Variants in RGS6 observed in about 807,000 individuals in gnomAD.
RGS6 encodes regulator of G protein signaling 6, also known as regulator of G-protein signaling 6.
A neutral mutation model predicts 78.5 loss-of-function variants in RGS6; 30 were observed. The ratio of observed to expected loss-of-function variants is 0.38; its 90% CI spans 0.29 to 0.52. RGS6 has a LOEUF of 0.52. Among genes scored for constraint, RGS6 ranks in the 20% least tolerant of loss-of-function variants. RGS6 has a pLI of 0.85. For missense variants in RGS6, 495 were observed against 609.7 expected, an observed-to-expected ratio of 0.81 and a Z score of 1.98; for synonymous variants, 206 against 206.0, an observed-to-expected ratio of 1.00 and a Z score of 0.00.
intron 2 of RGS6, among the ~76,000 whole-genome samples, chr14:72,224,372 G>T (rs144739199): frequency 6.6e-6 from 1 of 152,094 alleles, no homozygotes; most frequent in Non-Finnish European, 1.5e-5. Flanking sequence ...GGGCAAGATG[G>T]TGCTGTTGCA....
At chr14:72,346,167 G>A (rs2077999760) in intron 2 of RGS6, among the ~76,000 whole-genome samples, 1 of 152,160 alleles carries the variant, frequency 6.6e-6, no homozygotes, top group African/African-American at 2.4e-5. Flanking sequence ...TTGCTTCTTT[G>A]TTGAAGTTGT....
At chr14:72,150,112 A>C (rs1257820368) in intron 2 of RGS6, among the ~76,000 whole-genome samples, 1 of 152,178 alleles carries the variant, frequency 6.6e-6, no homozygotes, top group Non-Finnish European at 1.5e-5. Flanking sequence ...GTAATTAGTT[A>C]AGGTTCTTGA....
At chr14:72,252,520 T>A (rs1407495145) in intron 2 of RGS6, among the ~76,000 whole-genome samples, 1 of 152,234 alleles carries the variant, frequency 6.6e-6, no homozygotes, top group Non-Finnish European at 1.5e-5. Context: ...AGCCAGCATG[T>A]CTGCTCCCAT....
rs753065555 is a variant in RGS6 at position 72,540,021 on chromosome 14, CT to C, written c.1369-8del. ...TTTTTTCTGTATTTTTCTCCCTACC[CT>C]TTTTTTTTTTTCCTAAAGCCAGAAA... On this transcript the variant is annotated intron_variant, in intron 16 of 17. Transcript: ENST00000553525. 0.049 allele frequency: 47,324 copies of C among 972,144 alleles called. No individual in the cohort carries two copies. Among genetic ancestry groups the C allele is most frequent in the South Asian group, 0.077 (4,113 of 53,218 alleles). 60.2% of individuals were successfully genotyped at this position (972,144 alleles called of 1,614,324 possible).
At chr14:72,473,045 G>A in intron 9 of RGS6, 92 bp downstream of exon 9, 2 of 822,086 alleles carry the variant, frequency 2.4e-6, no homozygotes, top group Non-Finnish European at 3.8e-6. Flanking sequence ...GCCACCAGGT[G>A]TCTCATTCTT....
chr14:72,131,068 A>C (rs577254648), intron 2 of RGS6, among the ~76,000 whole-genome samples: 13 of 152,290 alleles, frequency 8.5e-5, no homozygotes, highest in Non-Finnish European at 1.9e-4. Flanking sequence ...TGCCTTGCCC[A>C]TCTTGTGTTG....
intron 3 of RGS6, among the ~76,000 whole-genome samples, chr14:72,368,595 G>C (rs2082862046): frequency 6.6e-6 from 1 of 152,180 alleles, no homozygotes; most frequent in South Asian, 2.1e-4. Flanking sequence ...TTTTTATAAT[G>C]AACTTCCCTG....
intron 3 of RGS6, among the ~76,000 whole-genome samples, chr14:72,444,316 C>T (rs566256971): frequency 1.1e-4 from 16 of 152,026 alleles, no homozygotes; most frequent in Non-Finnish European, 1.8e-4. Flanking sequence ...TTTCATAATG[C>T]ACAGGAAAGC....
intron 2 of RGS6, among the ~76,000 whole-genome samples, chr14:72,021,771 C>CTT (rs35520827): frequency 6.1e-5 from 9 of 148,674 alleles, no homozygotes; most frequent in Non-Finnish European, 9.0e-5. Flanking sequence ...TGCGCCTGGC[C>CTT]TTTTTTTTTT....
At chr14:72,531,796 T>A (rs1833868239) in intron 15 of RGS6, among the ~76,000 whole-genome samples, 1 of 152,270 alleles carries the variant, frequency 6.6e-6, no homozygotes, top group Non-Finnish European at 1.5e-5. Flanking sequence ...ACTTATTGTT[T>A]GTAGTGAGAA....
In RGS6 at chr14:72,417,975, C is replaced by A. The variant is rs909017756; in HGVS notation, c.185-36553C>A. Among the ~76,000 whole-genome samples, 3 of 152,154 alleles carry A rather than the reference C, an allele frequency of 2.0e-5. No individual in the cohort carries two copies. In the East Asian group the frequency reaches 5.8e-4, roughly 29 times the overall value. ...ATTTATAGCATAGCTTGGGGGCGATCTGAACACTTGGGGGCAGAAAAACAA... is the reference window on the plus strand; with the variant it reads ...ATTTATAGCATAGCTTGGGGGCGATATGAACACTTGGGGGCAGAAAAACAA... On this transcript the variant is annotated intron_variant, in intron 3 of 17. Transcript: ENST00000553525.
the RGS6 span, among the ~76,000 whole-genome samples, chr14:72,597,967 C>G: frequency 6.6e-6 from 1 of 152,186 alleles, no homozygotes; most frequent in Non-Finnish European, 1.5e-5. Flanking sequence ...GTTGAGACAC[C>G]CTGTGCCCTC....
intron 4 of RGS6, among the ~76,000 whole-genome samples, chr14:72,457,197 A>G (rs1412757437): frequency 6.6e-6 from 1 of 152,172 alleles, no homozygotes; most frequent in Non-Finnish European, 1.5e-5. Context: ...TCAAAGGAGA[A>G]TAGGTGGTTC....
intron 15 of RGS6, among the ~76,000 whole-genome samples, chr14:72,524,141 A>T (rs1448631887): frequency 1.3e-5 from 2 of 152,232 alleles, no homozygotes; most frequent in Admixed American, 1.3e-4. Flanking sequence ...GGGTTTCGTA[A>T]TTCTAAGCTG....
chr14:71,997,817 G>T (rs1486616607), intron 2 of RGS6, among the ~76,000 whole-genome samples: 1 of 152,160 alleles, frequency 6.6e-6, no homozygotes, highest in Non-Finnish European at 1.5e-5. Context: ...AACTCAACTA[G>T]ATCTTTATAA....
intron 2 of RGS6, among the ~76,000 whole-genome samples, chr14:72,291,965 A>G (rs759640759): frequency 2.0e-5 from 3 of 152,164 alleles, no homozygotes; most frequent in Non-Finnish European, 4.4e-5. Flanking sequence ...ACAAACGTCC[A>G]GATAGATATG....
At chr14:72,567,105 C>G (rs2097714235), downstream of RGS6, among the ~76,000 whole-genome samples, 1 of 152,218 alleles carries the variant, frequency 6.6e-6, no homozygotes, top group Admixed American at 6.5e-5. Context: ...AGAAAGCCAA[C>G]ACCTAGCTGC....
chr14:72,541,206 A>G, intron 17 of RGS6: 1 of 1,402,940 alleles, frequency 7.1e-7, no homozygotes, highest in Non-Finnish European at 9.4e-7. Flanking sequence ...TTGAGGAGGA[A>G]AATCCTTGTA....
intron 3 of RGS6, among the ~76,000 whole-genome samples, chr14:72,419,538 A>T (rs1597259944): frequency 6.6e-6 from 1 of 152,210 alleles, no homozygotes; most frequent in Non-Finnish European, 1.5e-5. Context: ...AGTCGAGCCC[A>T]GATGCTCTGC....
Sources: allele counts gnomAD v4.1 joint callset (sites outside exome capture counted in the v4.1 genomes callset), GRCh38; gene constraint gnomAD v4.1.1; transcripts MANE v1.5; gene names NCBI Gene and HGNC (gene_info 2026-07-23, HGNC 2026-07-21).